The following NF2 variants were observed in gnomAD, a reference collection of about 807,000 sequenced individuals.
The protein encoded by NF2 is merlin.
NF2 carries 8 observed loss-of-function variants against 83.7 expected under a neutral mutation model. That is an observed-to-expected ratio of 0.10 (90% CI 0.06 to 0.17). The LOEUF is 0.17. Among genes scored for constraint, NF2 ranks in the 10% least tolerant of loss-of-function variants. The pLI, the probability that NF2 is intolerant of heterozygous loss-of-function variation, is 1.00. For synonymous variants in NF2, 266 were observed against 269.6 expected (o/e 0.99, Z 0.13); for missense variants, 533 against 744.4 (o/e 0.72, Z 3.31).
At chr22:29,679,391 A>G (rs1026883792) in intron 14 of NF2, among the ~76,000 whole-genome samples, 2 of 152,228 alleles carry the variant, frequency 1.3e-5, no homozygotes, top group East Asian at 1.9e-4. Flanking sequence ...TCTAGCTGTC[A>G]TATCTGCTGT....
intron 4 of NF2, among the ~76,000 whole-genome samples, chr22:29,645,512 G>A (rs983771748): frequency 3.9e-5 from 6 of 152,192 alleles, no homozygotes; most frequent in African/African-American, 1.4e-4. Flanking sequence ...AAGAATATTA[G>A]TAAGAGGAAA....
At chr22:29,617,140 G>A (rs1282113100) in intron 1 of NF2, among the ~76,000 whole-genome samples, 1 of 152,088 alleles carries the variant, frequency 6.6e-6, no homozygotes, top group African/African-American at 2.4e-5. Flanking sequence ...TGTTGGCCAG[G>A]CTGATCTTGA....
At chr22:29,675,749 G>A (rs994183965) in intron 13 of NF2, among the ~76,000 whole-genome samples, 1 of 151,994 alleles carries the variant, frequency 6.6e-6, no homozygotes, top group Non-Finnish European at 1.5e-5. Context: ...CATCTACATG[G>A]CACAGACACA....
At position 29,626,434 on chromosome 22, in the gene NF2, G is replaced by A. The variant is rs953060664; in HGVS notation, c.115-10317G>A. Among the ~76,000 whole-genome samples the A allele has an allele frequency of 2.6e-5, 4 of 151,906 alleles. No individual in the cohort carries two copies. The East Asian group carries it at 5.8e-4, about 22-fold the overall frequency. ...CCCAAAGTGCTGGGATTACATGTGCGAGCCACCACGCCCAGCCCCATCTGC... is the reference window on the plus strand; with the variant it reads ...CCCAAAGTGCTGGGATTACATGTGCAAGCCACCACGCCCAGCCCCATCTGC... On this transcript the variant is annotated intron_variant, in intron 1 of 15. Coordinates refer to ENST00000338641, the MANE Select transcript of NF2 (RefSeq NM_000268.4).
chr22:29,640,411 G>A (rs2065775480), intron 3 of NF2, among the ~76,000 whole-genome samples: 1 of 152,098 alleles, frequency 6.6e-6, no homozygotes, highest in Non-Finnish European at 1.5e-5. Context: ...CCACCGAATT[G>A]AAGAAATTAA....
Position 29,664,886 on chromosome 22 carries a change from C to T in NF2, c.811-104C>T, listed in dbSNP as rs1356737561. On this transcript the variant is annotated intron_variant, in intron 8 of 15. Transcript: ENST00000338641. Reference sequence around the variant, plus strand: ...GGGAAGCCAGGACAAGGCATAACTTCATGCTGGTCTGTGGCCAGTGTGGTT... The same window carrying T: ...GGGAAGCCAGGACAAGGCATAACTTTATGCTGGTCTGTGGCCAGTGTGGTT... 41 of 818,880 alleles carry T rather than the reference C, an allele frequency of 5.0e-5. No homozygotes were observed. In the East Asian group the frequency reaches 1.0e-3, roughly 20 times the overall value. 50.7% of individuals were successfully genotyped at this position (818,880 alleles called of 1,614,324 possible).
At chr22:29,619,585 T>TG (rs34167297) in intron 1 of NF2, among the ~76,000 whole-genome samples, 35,885 of 151,210 alleles carry the variant, frequency 0.24, 4,376 homozygotes, top group Non-Finnish European at 0.29. Flanking sequence ...TTAGTAGAGA[T>TG]GGGGTCTTAC....
In NF2 at chr22:29,683,723, G is replaced by A. The variant is rs2067208164; in HGVS notation, c.1737+2122G>A. 2.8e-6 allele frequency: 3 copies of A among 1,070,624 alleles called. No homozygotes were observed. In the South Asian group the frequency reaches 1.3e-4, roughly 47 times the overall value. The allele number at this position is 1,070,624 out of a possible 1,614,324, so 66.3% of individuals were successfully genotyped here. A position where few individuals can be genotyped will look rare whatever the true frequency, so the allele number is the denominator to read the frequency against. On this transcript the variant is annotated intron_variant, in intron 15 of 15. Coordinates refer to ENST00000338641, the MANE Select transcript of NF2 (RefSeq NM_000268.4). ...CAGCTTCCTCTCCATAGGCTGAGCA[G>A]AGATGTGGTCAGAGTGAACTCACAT...
upstream of NF2, chr22:29,603,611 G>A (rs777179356): frequency 1.3e-4 from 52 of 397,952 alleles, no homozygotes; most frequent in South Asian, 7.6e-4. Context: ...GCGCGCGTAC[G>A]CGCCCGATGC....
At chr22:29,681,991 T>G (rs901168071) in intron 15 of NF2, among the ~76,000 whole-genome samples, 2 of 152,210 alleles carry the variant, frequency 1.3e-5, no homozygotes, top group Non-Finnish European at 2.9e-5. Context: ...AGTCTTGTGG[T>G]GTCTTTAAGT....
intron 12 of NF2, among the ~76,000 whole-genome samples, chr22:29,674,255 T>A (rs1413383679): frequency 6.6e-6 from 1 of 152,226 alleles, no homozygotes; most frequent in Non-Finnish European, 1.5e-5. Context: ...TCCCTGTGCA[T>A]GATGCAGGTT....
chr22:29,660,188 G>A (rs900303630), intron 7 of NF2, among the ~76,000 whole-genome samples: 1 of 152,172 alleles, frequency 6.6e-6, no homozygotes, highest in Non-Finnish European at 1.5e-5. Context: ...CACTCAGTCC[G>A]TCGCAGGTTC....
At chr22:29,655,442 C>A in intron 5 of NF2, 152 bp from the exon 6 acceptor site, 1 of 682,398 alleles carries the variant, frequency 1.5e-6, no homozygotes, top group Non-Finnish European at 2.6e-6. Flanking sequence ...GCCTTATTTA[C>A]ACGCCCTCTC....
chr22:29,685,798 C>T (rs2067255531), intron 15 of NF2, among the ~76,000 whole-genome samples: 1 of 152,142 alleles, frequency 6.6e-6, no homozygotes, highest in Admixed American at 6.5e-5. Flanking sequence ...CCCATGGGGG[C>T]TGTGTAACAT....
At chr22:29,609,119 C>T (rs2064882451) in intron 1 of NF2, 4 of 750,226 alleles carry the variant, frequency 5.3e-6, no homozygotes, top group Admixed American at 1.7e-5. Flanking sequence ...AACTGAGAAC[C>T]CAGGGGCTTT....
chr22:29,681,846 G>A (rs552516752), intron 15 of NF2, among the ~76,000 whole-genome samples: 7 of 152,292 alleles, frequency 4.6e-5, no homozygotes, highest in African/African-American at 9.6e-5. Flanking sequence ...CCCTGTTACA[G>A]GGTGGATTTT....
At chr22:29,607,259 T>C (rs11912662) in intron 1 of NF2, among the ~76,000 whole-genome samples, 2,767 of 152,270 alleles carry the variant, frequency 0.018, 78 homozygotes, top group African/African-American at 0.056. Context: ...AATTTGATTG[T>C]ATCAGTTTGT....
chr22:29,649,036 G>A (rs889438036), intron 4 of NF2, among the ~76,000 whole-genome samples: 1 of 152,058 alleles, frequency 6.6e-6, no homozygotes, highest in Non-Finnish European at 1.5e-5. Flanking sequence ...GGACATCCTT[G>A]AATATGCATC....
intron 15 of NF2, among the ~76,000 whole-genome samples, chr22:29,690,773 A>G (rs1293520600): frequency 1.3e-5 from 2 of 152,212 alleles, no homozygotes; most frequent in Non-Finnish European, 2.9e-5. Flanking sequence ...GGGTCAGCCC[A>G]TGCCTGGTGC....
Sources: allele counts gnomAD v4.1 joint callset (sites outside exome capture counted in the v4.1 genomes callset), GRCh38; gene constraint gnomAD v4.1.1; transcripts MANE v1.5; gene names NCBI Gene and HGNC (gene_info 2026-07-23, HGNC 2026-07-21).